The following GPHN variants were observed in gnomAD, a reference collection of about 807,000 sequenced individuals.
GPHN encodes gephyrin.
In GPHN, 17 loss-of-function variants were observed where a neutral mutation model predicts 95.5. The observed-to-expected ratio is 0.18, with a 90% CI of 0.12 to 0.27. The LOEUF is 0.27. Ranked by LOEUF, GPHN falls within the 10% of genes least tolerant of loss-of-function variation. GPHN has a pLI of 1.00. For synonymous variants in GPHN, 320 were observed against 322.5 expected (o/e 0.99, Z 0.08); for missense variants, 660 against 978.1 (o/e 0.67, Z 4.34).
intron 17 of GPHN, among the ~76,000 whole-genome samples, chr14:67,133,445 A>G (rs534654664): frequency 9.2e-5 from 14 of 152,326 alleles, no homozygotes; most frequent in African/African-American, 2.6e-4. Context: ...AAACTTGGGT[A>G]AATGCTGTAA....
the GPHN span, chr14:67,646,678 C>T: frequency 4.3e-6 from 7 of 1,613,580 alleles, no homozygotes; most frequent in Non-Finnish European, 5.9e-6. Context: ...TGGATCAAAC[C>T]TTGTATCTCT....
chr14:67,613,771 GTTCAGAATCAACATCTCACACAAC>G, the GPHN span: 1 of 204,300 alleles, frequency 4.9e-6, no homozygotes, highest in African/African-American at 2.3e-5. Context: ...CCAAACAGAG[GTTCAGAATCAACATCTCACACAAC>G]TTCAGCATCC....
the GPHN span, among the ~76,000 whole-genome samples, chr14:67,547,500 T>G: frequency 6.6e-6 from 1 of 152,160 alleles, no homozygotes; most frequent in African/African-American, 2.4e-5. Context: ...CATGGCCAGT[T>G]GCTACACGCA....
the GPHN span, among the ~76,000 whole-genome samples, chr14:67,549,640 GA>G: frequency 1.3e-3 from 195 of 152,206 alleles, no homozygotes; most frequent in African/African-American, 4.6e-3. Context: ...TATTTCTCAG[GA>G]ACCATGTATG....
At chr14:67,138,225 G>T (rs1460021925) in intron 17 of GPHN, among the ~76,000 whole-genome samples, 1 of 152,132 alleles carries the variant, frequency 6.6e-6, no homozygotes, top group Non-Finnish European at 1.5e-5. Flanking sequence ...TCCTCACAGA[G>T]TTGTGAGATT....
In GPHN at chr14:66,687,656, A is replaced by G. The variant is rs541242173; in HGVS notation, c.143+6471A>G. 7.3e-5 allele frequency among the ~76,000 whole-genome samples: 11 copies of G among 151,616 alleles called. No individual in the cohort carries two copies. In the South Asian group the frequency reaches 2.1e-3, roughly 29 times the overall value. On this transcript the variant is annotated intron_variant, in intron 2 of 22. Coordinates refer to ENST00000478722, the MANE Select transcript of GPHN (RefSeq NM_020806.5). Reference sequence around the variant, plus strand: ...AGGCATGTGCCACCATGCCCGGCTAATTTTGTGTTTTTAGTAGAGACAGGG... The same window carrying G: ...AGGCATGTGCCACCATGCCCGGCTAGTTTTGTGTTTTTAGTAGAGACAGGG...
chr14:67,132,748 A>G (rs929123864), intron 17 of GPHN, among the ~76,000 whole-genome samples: 5 of 151,916 alleles, frequency 3.3e-5, no homozygotes, highest in Non-Finnish European at 5.9e-5. Context: ...TTGTTTTCCT[A>G]CCCCAAACTC....
At chr14:66,587,382 A>G (rs2061464420) in intron 1 of GPHN, among the ~76,000 whole-genome samples, 1 of 152,228 alleles carries the variant, frequency 6.6e-6, no homozygotes, top group African/African-American at 2.4e-5. Flanking sequence ...CTATTTTAAG[A>G]GGCCTGTATG....
intron 2 of GPHN, among the ~76,000 whole-genome samples, chr14:66,686,647 T>A (rs1312185662): frequency 3.3e-5 from 5 of 152,238 alleles, no homozygotes; most frequent in Non-Finnish European, 7.3e-5. Context: ...AAGGAGAATT[T>A]GGACTGAGAC....
chr14:66,516,747 T>G (rs1186765529), intron 1 of GPHN, among the ~76,000 whole-genome samples: 1 of 152,234 alleles, frequency 6.6e-6, no homozygotes, highest in African/African-American at 2.4e-5. Flanking sequence ...TTTAATTATT[T>G]CTTGTTCTTT....
intron 21 of GPHN, among the ~76,000 whole-genome samples, chr14:67,176,783 C>G (rs1464151108): frequency 6.6e-6 from 1 of 152,200 alleles, no homozygotes; most frequent in Non-Finnish European, 1.5e-5. Context: ...AGAGATTCGA[C>G]TTCTTCCTGG....
the GPHN span, among the ~76,000 whole-genome samples, chr14:67,599,814 T>C: frequency 6.6e-6 from 1 of 152,216 alleles, no homozygotes; most frequent in East Asian, 1.9e-4. Context: ...AAGGGGAATG[T>C]ACTATCCAGG....
At chr14:66,971,120 G>T (rs2069735447) in intron 9 of GPHN, among the ~76,000 whole-genome samples, 1 of 152,170 alleles carries the variant, frequency 6.6e-6, no homozygotes, top group South Asian at 2.1e-4. Context: ...TCTGAGGTAG[G>T]GAGTTCAAGA....
chr14:67,197,387 C>A, the GPHN span: 1 of 152,148 alleles, frequency 6.6e-6, no homozygotes, highest in East Asian at 1.9e-4. Context: ...ACAGATAAAC[C>A]ATGTGGGCTG....
chr14:67,132,664 T>C (rs1258060067), intron 17 of GPHN, among the ~76,000 whole-genome samples: 1 of 152,036 alleles, frequency 6.6e-6, no homozygotes, highest in African/African-American at 2.4e-5. Flanking sequence ...CCTTTATCTT[T>C]AAGCGTTGCT....
At chr14:67,726,146 A>G in the GPHN span, 1 of 1,603,942 alleles carries the variant, frequency 6.2e-7, no homozygotes, top group African/African-American at 1.3e-5. Context: ...CCTGGGAGTC[A>G]ACCACCTGGG....
the GPHN span, among the ~76,000 whole-genome samples, chr14:67,653,244 C>A: frequency 1.3e-5 from 2 of 152,174 alleles, no homozygotes; most frequent in Non-Finnish European, 2.9e-5. Context: ...ATGATTTTAT[C>A]CTGAGTTATT....
At chr14:66,577,394 G>A (rs72724599) in intron 1 of GPHN, among the ~76,000 whole-genome samples, 5,986 of 152,210 alleles carry the variant, frequency 0.039, 173 homozygotes, top group Middle Eastern at 0.065. Flanking sequence ...TATAGTTTTT[G>A]TGTGCTTTCT....
the GPHN span, among the ~76,000 whole-genome samples, chr14:67,248,513 A>G: frequency 6.6e-6 from 1 of 152,294 alleles, no homozygotes; most frequent in South Asian, 2.1e-4. Context: ...AAATTAAAAC[A>G]TTTGGCTTTC....
Sources: gnomAD v4.1 joint callset for allele counts (sites outside exome capture counted in the v4.1 genomes callset) on GRCh38, gnomAD v4.1.1 for gene constraint, MANE v1.5 for transcripts, NCBI Gene and HGNC (gene_info 2026-07-23, HGNC 2026-07-21) for gene names.